JRK: variants seen among roughly 807,000 people sequenced by gnomAD.
The protein encoded by JRK is jerky protein homolog.
For synonymous variants in JRK, 303 were observed against 218.1 expected (o/e 1.39, Z -3.43); for missense variants, 720 against 509.2 (o/e 1.41, Z -3.98).
chr8:142,649,455 G>T, the JRK span, among the ~76,000 whole-genome samples: 20 of 152,322 alleles, frequency 1.3e-4, no homozygotes, highest in African/African-American at 4.8e-4. Context: ...TTGAAGAGAA[G>T]TTCCCCTGCA....
chr8:142,648,555 G>A, the JRK span, among the ~76,000 whole-genome samples: 6 of 152,256 alleles, frequency 3.9e-5, no homozygotes, highest in Admixed American at 3.3e-4. Context: ...TGTTGAGCCT[G>A]TGAGTCCACA....
the JRK span, among the ~76,000 whole-genome samples, chr8:142,649,533 C>T: frequency 3.3e-5 from 5 of 152,214 alleles, no homozygotes; most frequent in Non-Finnish European, 5.9e-5. Context: ...TCCATTCCCC[C>T]ATGATTGTGA....
chr8:142,663,033 G>T lies in JRK; in HGVS notation c.*1319C>A, dbSNP rs1554634818. On this transcript the variant is annotated 3_prime_UTR_variant, in exon 2 of 2. Transcript: ENST00000612905. Reference sequence around the variant, plus strand: ...AAAGGCGCGGTGGTGCGTGCCTCTAGTCCCAGCTACTCAGGAGGCTGGGGC... The same window carrying T: ...AAAGGCGCGGTGGTGCGTGCCTCTATTCCCAGCTACTCAGGAGGCTGGGGC... The T allele has an allele frequency of 5.0e-6, 3 of 605,476 alleles. No individual in the cohort carries two copies. Among genetic ancestry groups the T allele is most frequent in the Non-Finnish European group, 6.2e-6 (3 of 483,096 alleles). 37.5% of individuals were successfully genotyped at this position (605,476 alleles called of 1,614,324 possible).
At chr8:142,646,944 CAATT>C in the JRK span, among the ~76,000 whole-genome samples, 3 of 152,076 alleles carry the variant, frequency 2.0e-5, no homozygotes, top group Admixed American at 1.3e-4. Context: ...TGGCAGTTGT[CAATT>C]AAATAGCCCT....
chr8:142,664,544 T>C lies in JRK; in HGVS notation c.1515A>G (p.Pro505=), dbSNP rs782587724. The C allele has an allele frequency of 4.4e-6, 7 of 1,607,688 alleles. No homozygotes were observed. The Admixed American group carries it at 5.0e-5, about 12-fold the overall frequency. ...DAVLRFAERQ[P]CFSAQEVGQL... ...GCCCCACTTCCTGCGCACTGAAGCA[T>C]GGCTGCCGCTCCGCAAAGCGCAGGA... Residue 505 remains proline (P), a synonymous_variant, in exon 2 of 2, where the codon CCA becomes CCG. Coordinates refer to ENST00000612905, the MANE Select transcript of JRK (RefSeq NM_003724.4).
Position 142,660,919 on chromosome 8 carries a change from G to A in JRK, c.*3433C>T. On this transcript the variant is annotated 3_prime_UTR_variant, in exon 2 of 2. Transcript: ENST00000612905. The stretch of plus-strand genomic sequence containing the variant: ...CCTCCTCCAAATGGACTTTAACTGG[G>A]GACAACTGATGACAGTCCTCCAACC... 1.0e-6 allele frequency: 1 copy of A among 985,454 alleles called. No homozygotes were observed. The highest frequency in any genetic ancestry group is 1.2e-6 in the Non-Finnish European group (1 of 829,982). The allele number at this position is 985,454 out of a possible 1,614,324, so 61.0% of individuals were successfully genotyped here.
rs1176464128 is a variant in JRK, at chr8:142,665,798, C to T, written c.261G>A (p.Glu87=). The change falls in exon 2 of 2, where the codon GAG becomes GAA. Residue 87 remains glutamate (E), a synonymous_variant. Transcript: ENST00000612905. Reference sequence around the variant, plus strand: ...ACTCGTACAGGACGCGGTCCAGGTGCTCCAGCTTGGGCGTGTGCAGCGTGC... The same window carrying T: ...ACTCGTACAGGACGCGGTCCAGGTGTTCCAGCTTGGGCGTGTGCAGCGTGC... The part of the protein sequence containing the change: ...QRRTLHTPKL[E]HLDRVLYEWF... 1.3e-6 allele frequency: 1 copy of T among 778,704 alleles called. No homozygotes were observed. The highest frequency in any genetic ancestry group is 1.7e-5 in the African/African-American group (1 of 59,256). The allele number at this position is 778,704 out of a possible 1,614,324, so 48.2% of individuals were successfully genotyped here.
chr8:142,652,939 T>C (rs587744664), downstream of JRK, among the ~76,000 whole-genome samples: 34 of 152,300 alleles, frequency 2.2e-4, no homozygotes, highest in African/African-American at 7.5e-4. Flanking sequence ...AAGGCCCCAG[T>C]ACTGGCCCAG....
At chr8:142,652,284 G>T in the JRK span, among the ~76,000 whole-genome samples, 2 of 152,022 alleles carry the variant, frequency 1.3e-5, no homozygotes, top group East Asian at 1.9e-4. Flanking sequence ...ATTTTGCCAA[G>T]GTTGAGGACA....
In JRK at chr8:142,664,194, G is replaced by T; in HGVS notation, c.*158C>A. The T allele has an allele frequency of 7.2e-7, 1 of 1,398,362 alleles. No individual in the cohort carries two copies. 86.6% of individuals were successfully genotyped at this position (1,398,362 alleles called of 1,614,324 possible). ...AGGAACCTCGGGCACAGACCGTCCTGGGCACCCGAGCCACACCCGTGGGCG... is the reference window on the plus strand; with the variant it reads ...AGGAACCTCGGGCACAGACCGTCCTTGGCACCCGAGCCACACCCGTGGGCG... On this transcript the variant is annotated 3_prime_UTR_variant, in exon 2 of 2. Coordinates refer to ENST00000612905, the MANE Select transcript of JRK (RefSeq NM_003724.4).
rs1454531158 is a variant in JRK at position 142,663,954 on chromosome 8, C to A, written c.*398G>T. 9.9e-7 allele frequency: 1 copy of A among 1,010,360 alleles called. No homozygotes were observed. The highest frequency in any genetic ancestry group is 1.2e-6 in the Non-Finnish European group (1 of 846,984). 62.6% of individuals were successfully genotyped at this position (1,010,360 alleles called of 1,614,324 possible). A position where few individuals can be genotyped will look rare whatever the true frequency, so the allele number is the denominator to read the frequency against. On this transcript the variant is annotated 3_prime_UTR_variant, in exon 2 of 2. Coordinates refer to ENST00000612905, the MANE Select transcript of JRK (RefSeq NM_003724.4). ...GCGGTGGGCATGGCCTCCTGTCGGC[C>A]TGGAGGGCAACTTCTCTCCACGTGG...
downstream of JRK, among the ~76,000 whole-genome samples, chr8:142,656,128 G>A (rs1554633619): frequency 6.6e-6 from 1 of 152,144 alleles, no homozygotes; most frequent in African/African-American, 2.4e-5. Context: ...CCAGTGTATA[G>A]GCCATACTTT....
the JRK span, among the ~76,000 whole-genome samples, chr8:142,651,260 T>C: frequency 1.3e-5 from 2 of 152,184 alleles, no homozygotes; most frequent in East Asian, 1.9e-4. Flanking sequence ...CTTTCAACCA[T>C]TGAGCTCCTT....
chr8:142,651,653 TG>T, the JRK span, among the ~76,000 whole-genome samples: 953 of 150,548 alleles, frequency 6.3e-3, 3 homozygotes, highest in African/African-American at 9.4e-3. Flanking sequence ...TCAAACCCAA[TG>T]GGAAAAAGAC....
chr8:142,660,949 C>G lies in JRK; in HGVS notation c.*3403G>C. The G allele has an allele frequency of 1.0e-6, 1 of 985,506 alleles. No homozygotes were observed. Among genetic ancestry groups the G allele is most frequent in the Non-Finnish European group, 1.2e-6 (1 of 829,998 alleles). 61.0% of individuals were successfully genotyped at this position (985,506 alleles called of 1,614,324 possible). A position where few individuals can be genotyped will look rare whatever the true frequency, so the allele number is the denominator to read the frequency against. On this transcript the variant is annotated 3_prime_UTR_variant, in exon 2 of 2. Transcript: ENST00000612905. ...ACTGATGACAGTCCTCCAACCCCAGCGAGCTGGGGAAGCCGTGGGCAGGGG... is the reference window on the plus strand; with the variant it reads ...ACTGATGACAGTCCTCCAACCCCAGGGAGCTGGGGAAGCCGTGGGCAGGGG...
Position 142,665,222 on chromosome 8 carries a change from C to T in JRK, c.837G>A (p.Val279=). 1 of 717,934 alleles carries T rather than the reference C, an allele frequency of 1.4e-6. No homozygotes were observed. Among genetic ancestry groups the T allele is most frequent in the Non-Finnish European group, 2.6e-6 (1 of 385,086 alleles). The allele number at this position is 717,934 out of a possible 1,614,324, so 44.5% of individuals were successfully genotyped here. ...DWFHHIFVPS[V]REHFRTIGLP... Reference sequence around the variant, plus strand: ...AACCTATGGTTCTGAAGTGCTCTCTCACCGAGGGCACAAAGATATGATGGA... The same window carrying T: ...AACCTATGGTTCTGAAGTGCTCTCTTACCGAGGGCACAAAGATATGATGGA... Residue 279 remains valine, a synonymous_variant, in exon 2 of 2, where the codon GTG becomes GTA. Transcript: ENST00000612905.
At chr8:142,655,569 G>GT (rs1468387049), downstream of JRK, among the ~76,000 whole-genome samples, 1 of 150,636 alleles carries the variant, frequency 6.6e-6, no homozygotes, top group African/African-American at 2.4e-5. Flanking sequence ...AAGGGATGCA[G>GT]TGAGATCCCA....
chr8:142,665,458 G>C lies in JRK; in HGVS notation c.601C>G (p.Pro201Ala). The C allele has an allele frequency of 1.4e-6, 1 of 717,964 alleles. No homozygotes were observed. The highest frequency in any genetic ancestry group is 2.6e-6 in the Non-Finnish European group (1 of 385,102). The allele number at this position is 717,964 out of a possible 1,614,324, so 44.5% of individuals were successfully genotyped here. Residue 201 changes from proline to alanine, a missense_variant, in exon 2 of 2, where the codon CCG (proline) becomes GCG (alanine). Pro to Ala is a conservative substitution (Grantham distance 27). Transcript: ENST00000612905. ...LFWRCLPNPTPEGGAVPGPKQ... is the reference protein window; with the variant it reads ...LFWRCLPNPTAEGGAVPGPKQ... ...GGGCCAGGCACAGCCCCGCCTTCCG[G>C]AGTGGGATTTGGCAGGCACCGCCAG...
At chr8:142,651,303 T>C in the JRK span, among the ~76,000 whole-genome samples, 1 of 152,112 alleles carries the variant, frequency 6.6e-6, no homozygotes, top group African/African-American at 2.4e-5. Flanking sequence ...CATTACCATA[T>C]TGCAGCTAGG....
Sources: allele counts gnomAD v4.1 joint callset (sites outside exome capture counted in the v4.1 genomes callset), GRCh38; gene constraint gnomAD v4.1.1; transcripts MANE v1.5; gene names NCBI Gene and HGNC (gene_info 2026-07-23, HGNC 2026-07-21).